The following LUZP2 variants were observed in gnomAD, a reference collection of about 807,000 sequenced individuals.
LUZP2 encodes the protein leucine zipper protein 2.
LUZP2 carries 52 observed loss-of-function variants against 51.6 expected under a neutral mutation model. That is an observed-to-expected ratio of 1.01 (90% CI 0.81 to 1.27). LUZP2 has a LOEUF of 1.27. Among genes scored for constraint, LUZP2 ranks in the 50% most tolerant of loss-of-function variants. The probability of loss-of-function intolerance (pLI) is 0.00; values close to 1 mark genes in which losing one functional copy is unlikely to be tolerated. For synonymous variants in LUZP2, 154 were observed against 137.3 expected, an observed-to-expected ratio of 1.12 and a Z score of -0.85; for missense variants, 436 against 395.4, an observed-to-expected ratio of 1.10 and a Z score of -0.87.
chr11:24,802,701 C>G (rs1333510236), intron 5 of LUZP2, among the ~76,000 whole-genome samples: 1 of 151,870 alleles, frequency 6.6e-6, no homozygotes, highest in Non-Finnish European at 1.5e-5. Flanking sequence ...TTTTATTTGT[C>G]TCTATGATTT....
chr11:24,756,844 C>A (rs1355555029), intron 4 of LUZP2, among the ~76,000 whole-genome samples: 10 of 152,198 alleles, frequency 6.6e-5, no homozygotes. Flanking sequence ...CCTGCTCAGA[C>A]ACCAGTCTCA....
At chr11:24,504,983 G>A (rs1850105928) in intron 1 of LUZP2, among the ~76,000 whole-genome samples, 1 of 152,068 alleles carries the variant, frequency 6.6e-6, no homozygotes, top group Non-Finnish European at 1.5e-5. Context: ...CAAGCATTTG[G>A]CATCTCATCT....
chr11:24,672,602 G>T (rs1487022316), intron 1 of LUZP2, among the ~76,000 whole-genome samples: 1 of 152,060 alleles, frequency 6.6e-6, no homozygotes, highest in African/African-American at 2.4e-5. Context: ...TTTGCTTTCT[G>T]TGTTCATTGA....
Position 25,049,458 on chromosome 11 carries a change from C to CT in LUZP2, c.766-576dup, listed in dbSNP as rs1015009330. ...AGGAAACAGCTTTTTCTTTTCTTTT[C>CT]TTTTCTTTATTCTCTTCTTTTATTT... is the stretch of plus-strand genomic sequence containing the variant. On this transcript the variant is annotated intron_variant, in intron 9 of 11. Coordinates refer to ENST00000336930, the MANE Select transcript of LUZP2 (RefSeq NM_001009909.4). Among the ~76,000 whole-genome samples, 58 of 151,944 alleles carry CT rather than the reference C, an allele frequency of 3.8e-4. 1 individual carries two copies. The highest frequency in any genetic ancestry group is 1.3e-3 in the African/African-American group (52 of 41,476).
At chr11:25,035,185 G>A (rs1361859168) in intron 9 of LUZP2, among the ~76,000 whole-genome samples, 1 of 152,058 alleles carries the variant, frequency 6.6e-6, no homozygotes, top group African/African-American at 2.4e-5. Flanking sequence ...GCCCCAGTCA[G>A]AGCAATCGGG....
chr11:25,039,798 T>C (rs1340927222), intron 9 of LUZP2, among the ~76,000 whole-genome samples: 1 of 152,184 alleles, frequency 6.6e-6, no homozygotes, highest in Non-Finnish European at 1.5e-5. Flanking sequence ...AAATTTTTTA[T>C]TGCAGCAAAT....
At chr11:24,806,183 T>G (rs911664846) in intron 5 of LUZP2, among the ~76,000 whole-genome samples, 25 of 152,190 alleles carry the variant, frequency 1.6e-4, no homozygotes, top group African/African-American at 6.0e-4. Context: ...ATTTTATCAT[T>G]GGTAAATGTG....
intron 1 of LUZP2, among the ~76,000 whole-genome samples, chr11:24,547,740 C>A (rs1438173253): frequency 6.6e-6 from 1 of 152,084 alleles, no homozygotes; most frequent in Non-Finnish European, 1.5e-5. Context: ...TTAAAGACCA[C>A]TGCACAGCAA....
intron 5 of LUZP2, chr11:24,890,991 T>A (rs1261247011): frequency 2.0e-6 from 2 of 976,494 alleles, no homozygotes; most frequent in African/African-American, 1.8e-5. Flanking sequence ...ATCTCTTCAG[T>A]TACACTGCTT....
intron 1 of LUZP2, among the ~76,000 whole-genome samples, chr11:24,660,921 A>G (rs1273726779): frequency 6.6e-6 from 1 of 152,192 alleles, no homozygotes; most frequent in African/African-American, 2.4e-5. Flanking sequence ...GGTGTGGGTC[A>G]TAGTTTTATC....
At chr11:24,562,436 A>G (rs987493347) in intron 1 of LUZP2, among the ~76,000 whole-genome samples, 3 of 150,830 alleles carry the variant, frequency 2.0e-5, no homozygotes, top group Admixed American at 6.7e-5. Flanking sequence ...TTTTATTTCA[A>G]TAGTAGATTC....
At chr11:24,962,717 C>A (rs1855453211) in intron 7 of LUZP2, among the ~76,000 whole-genome samples, 1 of 152,120 alleles carries the variant, frequency 6.6e-6, no homozygotes, top group East Asian at 1.9e-4. Context: ...TGAATTTCCT[C>A]CTGTAGCTCA....
chr11:24,647,563 G>C (rs1463130573), intron 1 of LUZP2, among the ~76,000 whole-genome samples: 1 of 151,920 alleles, frequency 6.6e-6, no homozygotes, highest in African/African-American at 2.4e-5. Context: ...GAAATGTAAT[G>C]ATATATGAAA....
chr11:24,650,062 C>A (rs532781406), intron 1 of LUZP2, among the ~76,000 whole-genome samples: 8 of 151,394 alleles, frequency 5.3e-5, no homozygotes, highest in Non-Finnish European at 1.0e-4. Context: ...CTGTTCCAAG[C>A]TATTAAGGCC....
chr11:24,514,364 A>G (rs1401200043), intron 1 of LUZP2, among the ~76,000 whole-genome samples: 1 of 152,246 alleles, frequency 6.6e-6, no homozygotes, highest in Admixed American at 6.5e-5. Context: ...GTTTCAGAAT[A>G]AGTAATTTGC....
intron 1 of LUZP2, among the ~76,000 whole-genome samples, chr11:24,578,904 A>C (rs947525203): frequency 6.6e-6 from 1 of 152,250 alleles, no homozygotes; most frequent in African/African-American, 2.4e-5. Flanking sequence ...AAACCTGCAC[A>C]TATACCCCTG....
intron 9 of LUZP2, among the ~76,000 whole-genome samples, chr11:25,010,886 A>C (rs1421511655): frequency 1.3e-5 from 2 of 152,142 alleles, no homozygotes; most frequent in African/African-American, 4.8e-5. Flanking sequence ...AACACTGCGA[A>C]GTGGTAGGAA....
intron 1 of LUZP2, among the ~76,000 whole-genome samples, chr11:24,543,823 C>CA (rs71041774): frequency 0.55 from 41,010 of 74,326 alleles, 12,289 homozygotes; most frequent in East Asian, 0.77. Flanking sequence ...CTCTGTCTCA[C>CA]AAAAAAAAAA....
chr11:24,767,048 G>A (rs374989305), intron 5 of LUZP2, among the ~76,000 whole-genome samples: 1 of 152,130 alleles, frequency 6.6e-6, no homozygotes, highest in African/African-American at 2.4e-5. Context: ...GGAATTACAG[G>A]TGTGAACCCC....
Sources: allele counts gnomAD v4.1 joint callset (sites outside exome capture counted in the v4.1 genomes callset), GRCh38; gene constraint gnomAD v4.1.1; transcripts MANE v1.5; gene names NCBI Gene and HGNC (gene_info 2026-07-23, HGNC 2026-07-21).